The following RIPOR1 variants were observed in gnomAD, a reference collection of about 807,000 sequenced individuals.
RIPOR1 encodes the protein RHO family interacting cell polarization regulator 1.
In RIPOR1, 58 loss-of-function variants were observed where a neutral mutation model predicts 116.5. The ratio of observed to expected loss-of-function variants is 0.50; its 90% CI spans 0.40 to 0.62. The LOEUF is 0.62. RIPOR1 is among the 20% of genes least tolerant of loss of function. The pLI, the probability that RIPOR1 is intolerant of heterozygous loss-of-function variation, is 0.00. For missense variants in RIPOR1, 1,372 were observed against 1,586.2 expected, an observed-to-expected ratio of 0.86 and a Z score of 2.29; for synonymous variants, 605 against 650.0, an observed-to-expected ratio of 0.93 and a Z score of 1.05.
chr16:67,541,080 A>G lies in RIPOR1; in HGVS notation c.802-350A>G, dbSNP rs951787350. Among the ~76,000 whole-genome samples, 1 of 151,882 alleles carries G rather than the reference A, an allele frequency of 6.6e-6. No homozygotes were observed. Among genetic ancestry groups the G allele is most frequent in the African/African-American group, 2.4e-5 (1 of 41,318 alleles). On this transcript the variant is annotated intron_variant, in intron 10 of 21. Transcript: ENST00000042381. The surrounding 1 kb of genome is among the most constrained non-coding windows in gnomAD (Gnocchi z 4.6). ...CATGCATGTGTCTGTCTATCTATCT[A>G]GGAGTTGGCGGGTCTCACTCTGTCA...
rs577430838 is a variant in RIPOR1, at chr16:67,530,955, G to T, written c.-24+2041G>T. Among the ~76,000 whole-genome samples the T allele has an allele frequency of 6.6e-6, 1 of 152,066 alleles. No individual in the cohort carries two copies. The highest frequency in any genetic ancestry group is 1.5e-5 in the Non-Finnish European group (1 of 67,990). On this transcript the variant is annotated intron_variant, in intron 1 of 21. Coordinates refer to ENST00000042381, the MANE Select transcript of RIPOR1 (RefSeq NM_024519.4). This position sits in a 1 kb window ranked among gnomAD's most constrained non-coding sequence, Gnocchi z 4.5. ...TCACCCAGCAAGGGCAATCTTGCCC[G>T]CCCATCTCCCGAAGCGGTCACTCAG...
intron 4 of RIPOR1, 176 bp downstream of exon 4, chr16:67,539,244 C>T (rs1009299157): frequency 3.3e-6 from 2 of 607,028 alleles, no homozygotes; most frequent in African/African-American, 3.7e-5. Context: ...GCTGTGCATA[C>T]TTTCTGCTTG....
chr16:67,540,875 A>C lies in RIPOR1; in HGVS notation c.801+171A>C, dbSNP rs770468524. ...GGCCCTGAGAGGAACAATCTTTGTG[A>C]CTCTTAGGACATCATGGCTTCCTGA... On this transcript the variant is annotated intron_variant, in intron 10 of 21. Coordinates refer to ENST00000042381, the MANE Select transcript of RIPOR1 (RefSeq NM_024519.4). This position sits in a 1 kb window ranked among gnomAD's most constrained non-coding sequence, Gnocchi z 4.7. Among the ~76,000 whole-genome samples the C allele has an allele frequency of 1.3e-5, 2 of 150,556 alleles. No individual in the cohort carries two copies. The highest frequency in any genetic ancestry group is 3.0e-5 in the Non-Finnish European group (2 of 67,632).
At chr16:67,526,973 G>A (rs1250767789), upstream of RIPOR1, among the ~76,000 whole-genome samples, 3 of 152,188 alleles carry the variant, frequency 2.0e-5, no homozygotes, top group Admixed American at 6.5e-5. Context: ...AGCAGCCAGG[G>A]GCTCTGAAAC....
At chr16:67,532,396 G>A (rs753365394) in intron 1 of RIPOR1, among the ~76,000 whole-genome samples, 3 of 151,832 alleles carry the variant, frequency 2.0e-5, no homozygotes, top group Non-Finnish European at 4.4e-5. Flanking sequence ...GAGCCCAGGA[G>A]TTCAAGGCTG....
rs1186353595 is a variant in RIPOR1 at position 67,542,747 on chromosome 16, C to T, written c.1961C>T (p.Ala654Val). ...AGTGGTATGGGCCTAGTCCAGACTG[C>T]CACAAGTCCCACCCATCCTACCACA... is the stretch of plus-strand genomic sequence containing the variant. ...TPSGMGLVQTATSPTHPTTSP... is the reference protein window; with the variant it reads ...TPSGMGLVQTVTSPTHPTTSP... Residue 654 changes from alanine to valine, a missense_variant, in exon 13 of 22, where the codon GCC (alanine) becomes GTC (valine). Coordinates refer to ENST00000042381, the MANE Select transcript of RIPOR1 (RefSeq NM_024519.4). This position sits in a 1 kb window ranked among gnomAD's most constrained non-coding sequence, Gnocchi z 4.6. 3.7e-6 allele frequency: 6 copies of T among 1,613,428 alleles called. No individual in the cohort carries two copies. The highest frequency in any genetic ancestry group is 5.1e-6 in the Non-Finnish European group (6 of 1,179,856).
chr16:67,540,375 T>TG lies in RIPOR1; in HGVS notation c.631+17dup, dbSNP rs756315543. ...TCTCCGAATGAAAGGTACTGAGTTGTGGGGGCAGGTGGGGGGCTGGAGGGA... is the reference window on the plus strand; with the variant it reads ...TCTCCGAATGAAAGGTACTGAGTTGTGGGGGGCAGGTGGGGGGCTGGAGGGA... On this transcript the variant is annotated intron_variant, in intron 8 of 21. Transcript: ENST00000042381. The surrounding 1 kb of genome is among the most constrained non-coding windows in gnomAD (Gnocchi z 4.7). 126 of 1,613,880 alleles carry TG rather than the reference T, an allele frequency of 7.8e-5. No homozygotes were observed. Among genetic ancestry groups the TG allele is most frequent in the Non-Finnish European group, 1.0e-4 (118 of 1,179,990 alleles).
At chr16:67,520,464 A>AGAGAAGAGAAGAG in intron 1 of RIPOR1, among the ~76,000 whole-genome samples, 1 of 151,740 alleles carries the variant, frequency 6.6e-6, no homozygotes, top group African/African-American at 2.4e-5. Flanking sequence ...AGAGAAGAGA[A>AGAGAAGAGAAGAG]AAAAGAAAAG....
chr16:67,518,773 C>T (rs926042143), intron 1 of RIPOR1, among the ~76,000 whole-genome samples: 7 of 152,144 alleles, frequency 4.6e-5, no homozygotes, highest in Non-Finnish European at 8.8e-5. Flanking sequence ...AACCTGCACC[C>T]GGTCTTGGGG....
chr16:67,538,395 G>T (rs559190281), intron 1 of RIPOR1, 29 bp from the exon 2 acceptor site: 1 of 1,548,586 alleles, frequency 6.5e-7, no homozygotes, highest in African/African-American at 1.4e-5. Flanking sequence ...GATCCGACTG[G>T]TACTGGACAC....
rs1344914288 is a variant in RIPOR1, at chr16:67,544,969, G to C, written c.2883G>C (p.Ser961=). The C allele has an allele frequency of 7.4e-6, 12 of 1,612,500 alleles. 1 individual carries two copies. The African/African-American group carries it at 1.5e-4, about 20-fold the overall frequency. The change falls in exon 17 of 22, where the codon TCG becomes TCC. Residue 961 remains serine, a synonymous_variant. Transcript: ENST00000042381. This position sits in a 1 kb window ranked among gnomAD's most constrained non-coding sequence, Gnocchi z 5.1. ...ASSAQEVVQF[S]ASRPGFLTFW... is the part of the protein sequence containing the mutation. ...ACCCCCTCACAGTGGTGCAGTTCTC[G>C]GCCTCTCGGCCTGGCTTCCTGACCT...
chr16:67,520,667 G>A lies in RIPOR1; in HGVS notation c.-24+2054G>A, dbSNP rs560951724. ...AATACAAAAATTAGCTGGGCATGGG[G>A]TGTGCACCTGTAATCCCAGCTACTC... On this transcript the variant is annotated intron_variant, in intron 1 of 1. Coordinates refer to the RIPOR1 transcript ENST00000562116. Among the ~76,000 whole-genome samples the A allele has an allele frequency of 8.5e-5, 13 of 152,166 alleles. No individual in the cohort carries two copies. The South Asian group carries it at 1.9e-3, about 22-fold the overall frequency.
chr16:67,539,738 A>G lies in RIPOR1; in HGVS notation c.347A>G (p.Tyr116Cys). ...TCCCCACCCCTGCAGGGCTTCCTGT[A>G]TGATCTGGACAAGGTGAGTATGCAT... is the stretch of plus-strand genomic sequence containing the variant. ...SKRNSRLGFLYDLDKQVKSIE... is the reference protein window; with the variant it reads ...SKRNSRLGFLCDLDKQVKSIE... The change falls in exon 5 of 22, where the codon TAT becomes TGT. Residue 116 changes from tyrosine to cysteine, a missense_variant. Tyr to Cys is a radical substitution (Grantham distance 194, BLOSUM62 -2). Coordinates refer to ENST00000042381, the MANE Select transcript of RIPOR1 (RefSeq NM_024519.4). 2 of 1,614,098 alleles carry G rather than the reference A, an allele frequency of 1.2e-6. No homozygotes were observed. Among genetic ancestry groups the G allele is most frequent in the Non-Finnish European group, 1.7e-6 (2 of 1,179,996 alleles).
Position 67,544,798 on chromosome 16 carries a change from G to A in RIPOR1, c.2837G>A (p.Arg946Gln), listed in dbSNP as rs1253944968. 12 of 1,599,156 alleles carry A rather than the reference G, an allele frequency of 7.5e-6. 1 individual carries two copies. Among genetic ancestry groups the A allele is most frequent in the African/African-American group, 4.0e-5 (3 of 74,664 alleles). ...VLEAVCEFSR[R>Q]WEIPASSAQE... ...GAGGCAGTATGCGAGTTCAGCAGGCGGTGGGAGATCCCGGCCAGCTCTGCC... is the reference window on the plus strand; with the variant it reads ...GAGGCAGTATGCGAGTTCAGCAGGCAGTGGGAGATCCCGGCCAGCTCTGCC... Residue 946 changes from arginine (R) to glutamine (Q), a missense_variant, in exon 16 of 22, where the codon CGG becomes CAG. By Grantham distance (43) the Arg-to-Gln change is conservative. This residue lies in a region of RIPOR1 where 1,005 missense variants were observed against 1,144.7 expected (regional missense o/e 0.88). Coordinates refer to ENST00000042381, the MANE Select transcript of RIPOR1 (RefSeq NM_024519.4). This position sits in a 1 kb window ranked among gnomAD's most constrained non-coding sequence, Gnocchi z 5.1.
Position 67,529,409 on chromosome 16 carries a change from C to G in RIPOR1, c.-24+495C>G, listed in dbSNP as rs926113768. The G allele has an allele frequency of 2.8e-5, 6 of 212,228 alleles. No homozygotes were observed. In the Admixed American group the frequency reaches 3.4e-4, roughly 12 times the overall value. The allele number at this position is 212,228 out of a possible 1,614,324, so 13.1% of individuals were successfully genotyped here. A position where few individuals can be genotyped will look rare whatever the true frequency, so the allele number is the denominator to read the frequency against. On this transcript the variant is annotated intron_variant, in intron 1 of 21. Coordinates refer to ENST00000042381, the MANE Select transcript of RIPOR1 (RefSeq NM_024519.4). This position sits in a 1 kb window ranked among gnomAD's most constrained non-coding sequence, Gnocchi z 4.1. ...GCTTTGTGGCCGGCCCCGAGGTGAC[C>G]GAGCCTGGGCTGGAGCCGGGCTCTC...
rs746589284 is a variant in RIPOR1, at chr16:67,540,066, A to G, written c.428A>G (p.Tyr143Cys). 1 of 1,614,168 alleles carries G rather than the reference A, an allele frequency of 6.2e-7. No homozygotes were observed. Among genetic ancestry groups the G allele is most frequent in the South Asian group, 1.1e-5 (1 of 91,088 alleles). The change falls in exon 7 of 22, where the codon TAT (tyrosine) becomes TGT (cysteine). Residue 143 changes from tyrosine (Y) to cysteine (C), a missense_variant. Tyr to Cys is a radical substitution (Grantham distance 194). Transcript: ENST00000042381. The surrounding 1 kb of genome is among the most constrained non-coding windows in gnomAD (Gnocchi z 4.7). ...EFHASKIDEL[Y>C]EAYCVQRRLR... is the part of the protein sequence containing the mutation. Reference sequence around the variant, plus strand: ...TCACCTTCCCAGATCGATGAGCTGTATGAGGCATACTGTGTCCAGCGGCGT... The same window carrying G: ...TCACCTTCCCAGATCGATGAGCTGTGTGAGGCATACTGTGTCCAGCGGCGT...
chr16:67,540,625 T>C lies in RIPOR1; in HGVS notation c.722T>C (p.Ile241Thr), dbSNP rs1459188283. 1.9e-6 allele frequency: 3 copies of C among 1,613,840 alleles called. No individual in the cohort carries two copies. The African/African-American group carries it at 4.0e-5, about 22-fold the overall frequency. The part of the protein sequence containing the change: ...GRQRWKLRGR[I>T]EGSGKQVWDS... The stretch of plus-strand genomic sequence containing the variant: ...CAGCGCTGGAAACTACGGGGCCGAA[T>C]TGAGGGTAGTGGAAAGCAGGTGTGG... Residue 241 changes from isoleucine (I) to threonine (T), a missense_variant, in exon 10 of 22, where the codon ATT (isoleucine) becomes ACT (threonine). Physicochemically the swap from Ile to Thr is moderately conservative, Grantham distance 89. This residue lies in a region of RIPOR1 where 202 missense variants were observed against 295.9 expected (regional missense o/e 0.68). Coordinates refer to ENST00000042381, the MANE Select transcript of RIPOR1 (RefSeq NM_024519.4). The surrounding 1 kb of genome is among the most constrained non-coding windows in gnomAD (Gnocchi z 4.7).
chr16:67,530,779 C>A lies in RIPOR1; in HGVS notation c.-24+1865C>A, dbSNP rs1448279423. Reference sequence around the variant, plus strand: ...GCTGCAAGCCCCATAACCTTTGGAACCTTGGATCTGGGTTATTTCCCATCC... The same window carrying A: ...GCTGCAAGCCCCATAACCTTTGGAAACTTGGATCTGGGTTATTTCCCATCC... On this transcript the variant is annotated intron_variant, in intron 1 of 21. Coordinates refer to ENST00000042381, the MANE Select transcript of RIPOR1 (RefSeq NM_024519.4). The surrounding 1 kb of genome is among the most constrained non-coding windows in gnomAD (Gnocchi z 4.5). Among the ~76,000 whole-genome samples the A allele has an allele frequency of 6.6e-6, 1 of 152,178 alleles. No homozygotes were observed. The highest frequency in any genetic ancestry group is 1.5e-5 in the Non-Finnish European group (1 of 68,024).
intron 4 of RIPOR1, 58 bp from the exon 5 acceptor site, chr16:67,539,670 T>C: frequency 1.2e-6 from 2 of 1,604,868 alleles, no homozygotes; most frequent in Non-Finnish European, 1.7e-6. Context: ...TCTGAGTGCC[T>C]CTGCTGGAGT....
Sources: gnomAD v4.1 joint callset for allele counts (sites outside exome capture counted in the v4.1 genomes callset) on GRCh38, gnomAD v4.1.1 for gene constraint, gnomAD v4.1.1 regional missense constraint, Gnocchi (gnomAD v3.1) non-coding constraint, MANE v1.5 for transcripts, NCBI Gene and HGNC (gene_info 2026-07-23, HGNC 2026-07-21) for gene names.